DDX11: variants seen among roughly 807,000 people sequenced by gnomAD.
The protein encoded by DDX11 is ATP-dependent DNA helicase DDX11.
DDX11 carries 72 observed loss-of-function variants against 125.2 expected under a neutral mutation model. The ratio of observed to expected loss-of-function variants is 0.58; its 90% confidence interval spans 0.48 to 0.70. DDX11 has a LOEUF of 0.70. Ranked by LOEUF, DDX11 falls within the 30% of genes least tolerant of loss-of-function variation. The probability of loss-of-function intolerance (pLI) is 0.00; values close to 1 mark genes in which losing one functional copy is unlikely to be tolerated. For synonymous variants in DDX11, 347 were observed against 452.6 expected (o/e 0.77, Z 2.96); for missense variants, 883 against 1,165.0 (o/e 0.76, Z 3.52).
In DDX11 at chr12:31,101,839, G is replaced by A. The variant is rs372638555; in HGVS notation, c.2059G>A (p.Glu687Lys). The A allele has an allele frequency of 6.8e-6, 11 of 1,613,856 alleles. No homozygotes were observed. The African/African-American group carries it at 8.0e-5, about 12-fold the overall frequency. ...QKRELPQMMD[E>K]VGRILCNLCG... ...CCCTCCTTTCCTTCCTTAGATGGAC[G>A]AGGTGGGTCGCATTCTCTGTAACCT... Residue 687 changes from glutamate (E) to lysine (K), a missense_variant, in exon 21 of 27, where the codon GAG (glutamate) becomes AAG (lysine). Physicochemically the swap from Glu to Lys is moderately conservative, Grantham distance 56 (BLOSUM62 1). Transcript: ENST00000542838.
At chr12:31,102,098 C>G in intron 21 of DDX11, 116 bp downstream of exon 21, 1 of 1,369,050 alleles carries the variant, frequency 7.3e-7, no homozygotes, top group South Asian at 1.2e-5. Flanking sequence ...CCCACCGCTC[C>G]CAGTCCCTGA....
chr12:31,093,169 C>G, intron 11 of DDX11, 76 bp from the exon 12 acceptor site: 10 of 1,468,324 alleles, frequency 6.8e-6, no homozygotes, highest in Non-Finnish European at 9.3e-6. Flanking sequence ...CACCGGGCAG[C>G]AAGGCTTCCA....
intron 12 of DDX11, among the ~76,000 whole-genome samples, chr12:31,094,056 C>G (rs1944768780): frequency 6.6e-6 from 1 of 152,032 alleles, no homozygotes; most frequent in African/African-American, 2.4e-5. Context: ...AGGGCTGCTC[C>G]CAGCACGGGA....
At chr12:31,101,793 C>T (rs546185592) in intron 20 of DDX11, 40 bp from the exon 21 acceptor site, 3 of 1,613,744 alleles carry the variant, frequency 1.9e-6, no homozygotes, top group Non-Finnish European at 2.5e-6. Flanking sequence ...TGAGGGGTTG[C>T]TCCATGGGGG....
At position 31,101,065 on chromosome 12, in the gene DDX11, A is replaced by T; in HGVS notation, c.1987A>T (p.Ile663Phe). 4 of 1,614,122 alleles carry T rather than the reference A, an allele frequency of 2.5e-6. No homozygotes were observed. The highest frequency in any genetic ancestry group is 3.4e-6 in the Non-Finnish European group (4 of 1,180,006). Residue 663 changes from isoleucine to phenylalanine, a missense_variant, in exon 20 of 27, where the codon ATC becomes TTC. Ile to Phe is a conservative substitution (Grantham distance 21). Around this residue, in one of 5 missense-constraint regions of DDX11, gnomAD observed 285 missense variants for 346.0 expected, o/e 0.82. Transcript: ENST00000542838. ...IPPDNILPLV[I>F]CSGISNQPLE... ...TCCAGACAACATCCTGCCCCTCGTC[A>T]TCTGCAGCGGGATCTCCAACCAGCC...
chr12:31,101,467 G>A, intron 20 of DDX11: 1 of 500,832 alleles, frequency 2.0e-6, no homozygotes, highest in Non-Finnish European at 3.6e-6. Context: ...GGGATGTGGG[G>A]CTTGGGGGCA....
chr12:31,102,571 C>T lies in DDX11; in HGVS notation c.2372+44C>T, dbSNP rs760046679. The T allele has an allele frequency of 2.6e-5, 41 of 1,573,234 alleles. 1 individual carries two copies. Among genetic ancestry groups the T allele is most frequent in the African/African-American group, 2.4e-4 (18 of 74,226 alleles). ...CGTCTCCTGGGCCGTGATACATGGC[C>T]GGCCCTCACTCCCAGCAGCTGGGCC... is the stretch of plus-strand genomic sequence containing the variant. On this transcript the variant is annotated intron_variant, in intron 23 of 26. Transcript: ENST00000542838.
At chr12:31,075,493 T>C (rs981231616) in intron 1 of DDX11, among the ~76,000 whole-genome samples, 1 of 151,806 alleles carries the variant, frequency 6.6e-6, no homozygotes, top group Non-Finnish European at 1.5e-5. Flanking sequence ...GTCATATAAG[T>C]TTACTGAGTC....
At chr12:31,082,004 G>A (rs1263129588) in intron 2 of DDX11, among the ~76,000 whole-genome samples, 1 of 115,342 alleles carries the variant, frequency 8.7e-6, no homozygotes, top group African/African-American at 3.8e-5. Flanking sequence ...CAGCACAGAA[G>A]AGCCGCCCTC....
intron 2 of DDX11, among the ~76,000 whole-genome samples, chr12:31,081,480 C>T (rs1941921421): frequency 6.6e-6 from 1 of 151,982 alleles, no homozygotes; most frequent in Admixed American, 6.6e-5. Flanking sequence ...TCACCATTAC[C>T]ACTTGGTGTG....
At chr12:31,076,261 G>A (rs976680099) in intron 1 of DDX11, among the ~76,000 whole-genome samples, 5 of 152,194 alleles carry the variant, frequency 3.3e-5, no homozygotes, top group African/African-American at 1.2e-4. Context: ...AACCGAGTGC[G>A]CTGAGGGAGT....
At chr12:31,087,688 C>G (rs7308494) in intron 5 of DDX11, 303,834 of 603,494 alleles carry the variant, frequency 0.5, 81,340 homozygotes, top group East Asian at 0.86. Context: ...GCTTCCGACT[C>G]AAGACTTGGG....
intron 6 of DDX11, among the ~76,000 whole-genome samples, chr12:31,088,828 G>T (rs1284079806): frequency 5.3e-5 from 8 of 152,240 alleles, no homozygotes; most frequent in Admixed American, 4.6e-4. Context: ...TGCCTTTGGG[G>T]CATTCCCTTG....
At chr12:31,084,939 T>C in intron 4 of DDX11, 30 bp from the exon 5 acceptor site, 1 of 1,586,918 alleles carries the variant, frequency 6.3e-7, no homozygotes, top group South Asian at 1.2e-5. Context: ...GACTTCTTCC[T>C]CCCTCACCAC....
rs1380873733 is a variant in DDX11, at chr12:31,096,646, T to G, written c.1531T>G (p.Phe511Val). The G allele has an allele frequency of 2.5e-6, 4 of 1,613,370 alleles. No individual in the cohort carries two copies. The highest frequency in any genetic ancestry group is 3.4e-6 in the Non-Finnish European group (4 of 1,179,916). ...CTCTCATCCCACCCAGCTCTTTGGA[T>G]TCACTGAACGGTACGGAGCAGTGTT... Reference protein sequence around the residue: ...KSMISRKLFGFTERYGAVFSS... With the variant: ...KSMISRKLFGVTERYGAVFSS... Residue 511 changes from phenylalanine to valine, a missense_variant, in exon 16 of 27, where the codon TTC becomes GTC. Physicochemically the swap from Phe to Val is conservative, Grantham distance 50 (BLOSUM62 -1). This residue lies in a region of DDX11 where 241 missense variants were observed against 279.7 expected (regional missense o/e 0.86). Coordinates refer to ENST00000542838, the MANE Select transcript of DDX11 (RefSeq NM_030653.4).
At position 31,102,468 on chromosome 12, in the gene DDX11, C is replaced by T; in HGVS notation, c.2313C>T (p.Leu771=). 2 of 1,614,064 alleles carry T rather than the reference C, an allele frequency of 1.2e-6. No individual in the cohort carries two copies. The highest frequency in any genetic ancestry group is 1.7e-6 in the Non-Finnish European group (2 of 1,179,952). The change falls in exon 23 of 27, where the codon CTC becomes CTT. Residue 771 remains leucine, a synonymous_variant. Transcript: ENST00000542838. ...GAGGCCAGGTGACAGGGGCCCTGCT[C>T]CTCTCTGTGGTTGGAGGAAAGATGA... The part of the protein sequence containing the change: ...QERGQVTGAL[L]LSVVGGKMSE...
rs1361296588 is a variant in DDX11 at position 31,084,014 on chromosome 12, C to T, written c.346C>T (p.Gln116Ter). 2.5e-6 allele frequency: 4 copies of T among 1,613,788 alleles called. No homozygotes were observed. Among genetic ancestry groups the T allele is most frequent in the Non-Finnish European group, 3.4e-6 (4 of 1,179,878 alleles). Residue 116 changes from glutamine (Q) to a stop codon, truncating the protein, a stop_gained, in exon 3 of 27, where the codon CAG (glutamine) becomes TAG (stop). Transcript: ENST00000542838. LOFTEE classifies it high-confidence loss of function. ...TGCTGGAGAACCGGCCTGGGTTACT[C>T]AGTTTGTGCAGAAGAAAGAAGAGAG... ...RPAGEPAWVT[Q>*]FVQKKEERDL...
chr12:31,094,324 C>T (rs1266147626), intron 12 of DDX11: 14 of 459,448 alleles, frequency 3.0e-5, no homozygotes, highest in Middle Eastern at 6.4e-4. Flanking sequence ...TGCTGTGTCC[C>T]GGCCTCCTGG....
At chr12:31,076,495 G>A (rs1210144516) in intron 1 of DDX11, among the ~76,000 whole-genome samples, 1 of 152,146 alleles carries the variant, frequency 6.6e-6, no homozygotes, top group African/African-American at 2.4e-5. Flanking sequence ...TCTTGCAACC[G>A]GATGAGCTTC....
Sources: allele counts gnomAD v4.1 joint callset (sites outside exome capture counted in the v4.1 genomes callset), GRCh38; gene constraint gnomAD v4.1.1; regional missense constraint gnomAD v4.1.1; transcripts MANE v1.5; gene names NCBI Gene and HGNC (gene_info 2026-07-23, HGNC 2026-07-21).